GALNT17: variants seen among roughly 807,000 people sequenced by gnomAD.
GALNT17 encodes polypeptide N-acetylgalactosaminyltransferase 17.
Under a neutral mutation model 63.7 loss-of-function variants are expected in GALNT17, and 29 were observed. The observed-to-expected ratio is 0.46, with a 90% confidence interval of 0.34 to 0.62. GALNT17 has a LOEUF of 0.62. Ranked by LOEUF, GALNT17 falls within the 20% of genes least tolerant of loss-of-function variation. GALNT17 has a pLI of 0.01. For synonymous variants in GALNT17, 305 were observed against 318.3 expected (o/e 0.96, Z 0.45); for missense variants, 603 against 799.6 (o/e 0.75, Z 2.97).
chr7:71,469,924 C>T (rs1358393053), intron 5 of GALNT17, among the ~76,000 whole-genome samples: 1 of 152,128 alleles, frequency 6.6e-6, no homozygotes, highest in East Asian at 1.9e-4. Context: ...AGATTGTAGT[C>T]CAGGCCAGGT....
At chr7:71,709,891 G>T (rs548641015) in intron 9 of GALNT17, among the ~76,000 whole-genome samples, 1 of 152,198 alleles carries the variant, frequency 6.6e-6, no homozygotes, top group African/African-American at 2.4e-5. Flanking sequence ...GAGCCACTGA[G>T]CCTGGCCTAA....
At chr7:71,477,509 AAT>A (rs1482621626) in intron 5 of GALNT17, among the ~76,000 whole-genome samples, 1 of 152,104 alleles carries the variant, frequency 6.6e-6, no homozygotes, top group African/African-American at 2.4e-5. Context: ...GAAATGGAAA[AAT>A]GTGTGGTTTT....
intron 1 of GALNT17, among the ~76,000 whole-genome samples, chr7:71,196,384 C>T (rs1395103432): frequency 6.6e-6 from 1 of 152,122 alleles, no homozygotes; most frequent in Non-Finnish European, 1.5e-5. Flanking sequence ...AGGTGATCCA[C>T]CCGCCTCAGC....
chr7:71,232,500 G>A (rs1789810060), intron 1 of GALNT17, among the ~76,000 whole-genome samples: 1 of 152,018 alleles, frequency 6.6e-6, no homozygotes, highest in Non-Finnish European at 1.5e-5. Flanking sequence ...GGACTAGGGG[G>A]GATTTAATAA....
intron 5 of GALNT17, among the ~76,000 whole-genome samples, chr7:71,446,599 A>T (rs1331051862): frequency 6.6e-6 from 1 of 152,128 alleles, no homozygotes; most frequent in African/African-American, 2.4e-5. Context: ...CCCAGGCTGG[A>T]GTGCAATGGC....
chr7:71,337,889 AAAC>A (rs1036126555), intron 2 of GALNT17, among the ~76,000 whole-genome samples: 8 of 151,696 alleles, frequency 5.3e-5, no homozygotes, highest in South Asian at 2.1e-4. Context: ...ACAAACAAAC[AAAC>A]AACAACAACA....
At chr7:71,345,744 A>G (rs529459774) in intron 2 of GALNT17, among the ~76,000 whole-genome samples, 1 of 152,192 alleles carries the variant, frequency 6.6e-6, no homozygotes, top group African/African-American at 2.4e-5. Context: ...TCAATACCCA[A>G]CTCAAGTTTC....
intron 2 of GALNT17, among the ~76,000 whole-genome samples, chr7:71,345,919 A>C (rs1792083095): frequency 6.6e-6 from 1 of 151,794 alleles, no homozygotes; most frequent in Non-Finnish European, 1.5e-5. Flanking sequence ...GTGGGGGCTC[A>C]TGCCTGTAAT....
At chr7:71,558,947 G>A (rs1789208432) in intron 5 of GALNT17, among the ~76,000 whole-genome samples, 1 of 152,100 alleles carries the variant, frequency 6.6e-6, no homozygotes, top group African/African-American at 2.4e-5. Flanking sequence ...CCACAGAGAT[G>A]AGGCTTCCTT....
At chr7:71,156,999 C>T (rs747075823) in intron 1 of GALNT17, among the ~76,000 whole-genome samples, 4 of 150,986 alleles carry the variant, frequency 2.6e-5, no homozygotes, top group African/African-American at 4.9e-5. Flanking sequence ...TTCTGTTGCC[C>T]AGGCTGGAGT....
At chr7:71,711,735 C>T (rs1356097334) in intron 10 of GALNT17, among the ~76,000 whole-genome samples, 1 of 149,228 alleles carries the variant, frequency 6.7e-6, no homozygotes, top group Non-Finnish European at 1.5e-5. Context: ...TTCTACCCCT[C>T]CTCCCTTTCT....
chr7:71,389,656 G>C (rs1269295278), intron 3 of GALNT17, among the ~76,000 whole-genome samples: 1 of 152,072 alleles, frequency 6.6e-6, no homozygotes, highest in Non-Finnish European at 1.5e-5. Flanking sequence ...AGCTAAAGCA[G>C]ATGACAGTGA....
At chr7:71,145,995 C>T (rs1183900812) in intron 1 of GALNT17, among the ~76,000 whole-genome samples, 2 of 152,100 alleles carry the variant, frequency 1.3e-5, no homozygotes, top group South Asian at 2.1e-4. Flanking sequence ...CGCGAGCCAC[C>T]GTACGGGGCC....
At chr7:71,349,654 G>A (rs1006681931) in intron 2 of GALNT17, among the ~76,000 whole-genome samples, 7 of 151,480 alleles carry the variant, frequency 4.6e-5, no homozygotes, top group African/African-American at 1.2e-4. Context: ...AAATAAATAC[G>A]AAATTGCTTT....
At chr7:71,262,501 G>A (rs562857507) in intron 1 of GALNT17, among the ~76,000 whole-genome samples, 1 of 152,060 alleles carries the variant, frequency 6.6e-6, no homozygotes, top group Non-Finnish European at 1.5e-5. Flanking sequence ...GAACTATTAT[G>A]GGTTGAATTG....
At chr7:71,140,935 C>T (rs998581011) in intron 1 of GALNT17, among the ~76,000 whole-genome samples, 4 of 152,070 alleles carry the variant, frequency 2.6e-5, no homozygotes, top group East Asian at 3.9e-4. Context: ...GTGGGAGGAA[C>T]GCTTGAGCCT....
intron 1 of GALNT17, among the ~76,000 whole-genome samples, chr7:71,330,221 C>T (rs1178195604): frequency 6.6e-6 from 1 of 152,014 alleles, no homozygotes; most frequent in Non-Finnish European, 1.5e-5. Flanking sequence ...CCATGTTGAC[C>T]AGGCTGGTCT....
At chr7:71,585,817 T>C (rs367783896) in intron 6 of GALNT17, among the ~76,000 whole-genome samples, 2 of 152,166 alleles carry the variant, frequency 1.3e-5, no homozygotes, top group Non-Finnish European at 2.9e-5. Flanking sequence ...AAACCTGACA[T>C]TGGACATTTC....
At chr7:71,688,096 A>G (rs762365779) in intron 9 of GALNT17, among the ~76,000 whole-genome samples, 1 of 152,216 alleles carries the variant, frequency 6.6e-6, no homozygotes, top group Non-Finnish European at 1.5e-5. Flanking sequence ...TGTATCTGAA[A>G]TTCGACACCA....
Sources: allele counts gnomAD v4.1 joint callset (sites outside exome capture counted in the v4.1 genomes callset), GRCh38; gene constraint gnomAD v4.1.1; transcripts MANE v1.5; gene names NCBI Gene and HGNC (gene_info 2026-07-23, HGNC 2026-07-21).